Variants in CDK19 observed in about 807,000 individuals in gnomAD.
The protein encoded by CDK19 is cyclin dependent kinase 19.
In CDK19, 20 loss-of-function variants were observed where a neutral mutation model predicts 68.3. That is an observed-to-expected ratio of 0.29 (90% CI 0.21 to 0.43). The LOEUF (loss-of-function observed/expected upper bound fraction) is 0.43, where lower values mean the gene tolerates loss of function less well. Ranked by LOEUF, CDK19 falls within the 20% of genes least tolerant of loss-of-function variation. CDK19 has a pLI of 1.00. For synonymous variants in CDK19, 221 were observed against 222.8 expected (o/e 0.99, Z 0.07); for missense variants, 339 against 623.5 (o/e 0.54, Z 4.86).
chr6:110,778,220 T>TA (rs1025087048), intron 1 of CDK19, among the ~76,000 whole-genome samples: 8 of 152,044 alleles, frequency 5.3e-5, no homozygotes, highest in Non-Finnish European at 1.2e-4. Context: ...AAAAGAAAAA[T>TA]AAAATTATTT....
chr6:110,740,792 A>C (rs1777599137), intron 2 of CDK19, among the ~76,000 whole-genome samples: 1 of 152,192 alleles, frequency 6.6e-6, no homozygotes, highest in South Asian at 2.1e-4. Context: ...ATGTAGAAGG[A>C]AGATGACAGA....
chr6:110,735,525 T>C (rs141092838), intron 2 of CDK19, among the ~76,000 whole-genome samples: 1 of 152,194 alleles, frequency 6.6e-6, no homozygotes, highest in Non-Finnish European at 1.5e-5. Flanking sequence ...AGTGAATCTA[T>C]GCCAAAAATC....
chr6:110,745,492 C>T (rs897187422), intron 2 of CDK19, among the ~76,000 whole-genome samples: 1 of 151,770 alleles, frequency 6.6e-6, no homozygotes, highest in African/African-American at 2.4e-5. Flanking sequence ...TAGTATGACC[C>T]CTTCCTCTAT....
chr6:110,787,316 G>A (rs1368461252), intron 1 of CDK19, among the ~76,000 whole-genome samples: 1 of 152,212 alleles, frequency 6.6e-6, no homozygotes, highest in Non-Finnish European at 1.5e-5. Context: ...AGAGTTTGCA[G>A]TGAGTGGAGA....
At chr6:110,808,649 A>G (rs1403347802) in intron 1 of CDK19, among the ~76,000 whole-genome samples, 1 of 152,216 alleles carries the variant, frequency 6.6e-6, no homozygotes, top group African/African-American at 2.4e-5. Context: ...CATTACAAAA[A>G]TGACAAACCA....
intron 4 of CDK19, among the ~76,000 whole-genome samples, chr6:110,656,714 G>T (rs748849790): frequency 1.1e-4 from 16 of 152,140 alleles, no homozygotes; most frequent in Non-Finnish European, 2.4e-4. Context: ...TGTCTTTCAG[G>T]AGTAGTTACT....
intron 4 of CDK19, among the ~76,000 whole-genome samples, chr6:110,647,627 A>G (rs753997143): frequency 1.7e-4 from 26 of 152,224 alleles, no homozygotes; most frequent in Non-Finnish European, 2.5e-4. Context: ...AGAAACTAAG[A>G]AATGCTAAAT....
At chr6:110,642,568 A>T (rs1780274694) in intron 4 of CDK19, among the ~76,000 whole-genome samples, 1 of 152,214 alleles carries the variant, frequency 6.6e-6, no homozygotes, top group African/African-American at 2.4e-5. Context: ...GGAAAAGAAA[A>T]CAAAAAGAGA....
intron 2 of CDK19, among the ~76,000 whole-genome samples, chr6:110,712,578 T>G (rs1365026419): frequency 6.6e-6 from 1 of 152,190 alleles, no homozygotes; most frequent in Non-Finnish European, 1.5e-5. Flanking sequence ...TCATTCTCAT[T>G]CCCCATCCCA....
chr6:110,645,224 C>G (rs1431116120), intron 4 of CDK19, among the ~76,000 whole-genome samples: 1 of 152,098 alleles, frequency 6.6e-6, no homozygotes, highest in Non-Finnish European at 1.5e-5. Context: ...CAAGAAATTT[C>G]AAGAAATTTT....
intron 2 of CDK19, among the ~76,000 whole-genome samples, chr6:110,697,614 C>T (rs1562207749): frequency 1.3e-5 from 2 of 151,828 alleles, no homozygotes; most frequent in African/African-American, 2.4e-5. Context: ...CAATGCAATT[C>T]CCATGAAAAT....
chr6:110,684,257 A>G (rs966365539), intron 2 of CDK19, among the ~76,000 whole-genome samples: 1 of 151,960 alleles, frequency 6.6e-6, no homozygotes. Context: ...GTTAAACAAA[A>G]TGAAATTTGC....
intron 1 of CDK19, among the ~76,000 whole-genome samples, chr6:110,789,253 T>C (rs1001421522): frequency 1.3e-5 from 2 of 152,074 alleles, no homozygotes; most frequent in African/African-American, 4.8e-5. Context: ...GGTCTTTAAG[T>C]GTTTCTGTGC....
chr6:110,814,709 C>T, intron 1 of CDK19: 1 of 593,986 alleles, frequency 1.7e-6, no homozygotes, highest in Admixed American at 2.2e-5. Context: ...AACTCCTCCT[C>T]CACCGCGGTC....
intron 2 of CDK19, among the ~76,000 whole-genome samples, chr6:110,713,002 G>A (rs1014819671): frequency 1.3e-5 from 2 of 151,996 alleles, no homozygotes; most frequent in African/African-American, 4.8e-5. Context: ...GAGGTCAGGA[G>A]ATTGGCCAAC....
intron 1 of CDK19, among the ~76,000 whole-genome samples, chr6:110,780,831 A>G (rs1029935177): frequency 1.3e-5 from 2 of 152,126 alleles, no homozygotes; most frequent in African/African-American, 4.8e-5. Context: ...CATCTTCCAG[A>G]GATGAGAAAG....
At chr6:110,616,915 T>C (rs563596752) in intron 12 of CDK19, among the ~76,000 whole-genome samples, 1 of 152,284 alleles carries the variant, frequency 6.6e-6, no homozygotes, top group East Asian at 1.9e-4. Flanking sequence ...AAGGGTTTTT[T>C]AGACAGAAAA....
chr6:110,719,986 ACCCCC>A, intron 2 of CDK19, among the ~76,000 whole-genome samples: 1 of 41,864 alleles, frequency 2.4e-5, no homozygotes. Context: ...CCCCCCCCCC[ACCCCC>A]CCCCTGCTTC....
chr6:110,680,373 G>C (rs1192229389), intron 2 of CDK19, among the ~76,000 whole-genome samples: 1 of 152,098 alleles, frequency 6.6e-6, no homozygotes, highest in African/African-American at 2.4e-5. Context: ...AAAGGAACAG[G>C]GGACACAGGG....
Sources: gnomAD v4.1 joint callset for allele counts (sites outside exome capture counted in the v4.1 genomes callset) on GRCh38, gnomAD v4.1.1 for gene constraint, MANE v1.5 for transcripts, NCBI Gene and HGNC (gene_info 2026-07-23, HGNC 2026-07-21) for gene names.